Variants in WDR59 observed in about 807,000 individuals in gnomAD.
The protein encoded by WDR59 is GATOR2 complex protein WDR59.
A neutral mutation model predicts 131.2 loss-of-function variants in WDR59; 100 were observed. The observed-to-expected ratio is 0.76, with a 90% CI of 0.65 to 0.90. The LOEUF (loss-of-function observed/expected upper bound fraction) is 0.90, where lower values mean the gene tolerates loss of function less well. WDR59 is among the 40% of genes least tolerant of loss of function. The pLI, the probability that WDR59 is intolerant of heterozygous loss-of-function variation, is 0.00. For synonymous variants in WDR59, 601 were observed against 466.2 expected, an observed-to-expected ratio of 1.29 and a Z score of -3.72; for missense variants, 1,203 against 1,262.2, an observed-to-expected ratio of 0.95 and a Z score of 0.71.
rs754329875 is a variant in WDR59, at chr16:74,916,085, G to A, written c.1099+42C>T. 8.0e-5 allele frequency: 129 copies of A among 1,614,024 alleles called. 1 individual carries two copies. The highest frequency in any genetic ancestry group is 1.0e-4 in the Non-Finnish European group (121 of 1,179,988). On this transcript the variant is annotated intron_variant, in intron 12 of 25. Transcript: ENST00000262144. ...GGTATCTGCCACAACTCTGCAATGC[G>A]TAGAGTGGCACCTTACCTGAGACAT...
chr16:74,913,398 T>G (rs7190834), intron 13 of WDR59, among the ~76,000 whole-genome samples: 1 of 152,014 alleles, frequency 6.6e-6, no homozygotes, highest in African/African-American at 2.4e-5. Context: ...TCCCAAATAC[T>G]GGGACTACAG....
intron 8 of WDR59, among the ~76,000 whole-genome samples, chr16:74,928,391 T>A (rs1048447047): frequency 3.3e-5 from 5 of 151,712 alleles, no homozygotes; most frequent in East Asian, 2.0e-4. Flanking sequence ...TAATTTTTTT[T>A]ATTTTTCTAT....
intron 1 of WDR59, among the ~76,000 whole-genome samples, chr16:74,975,158 C>G (rs1242348892): frequency 2.0e-5 from 3 of 151,988 alleles, no homozygotes; most frequent in African/African-American, 4.8e-5. Flanking sequence ...GTCAGGAGTT[C>G]AAGACCAGCC....
intron 25 of WDR59, among the ~76,000 whole-genome samples, chr16:74,879,048 A>T (rs1483687870): frequency 6.6e-6 from 1 of 152,162 alleles, no homozygotes; most frequent in Non-Finnish European, 1.5e-5. Context: ...CCTGAATACC[A>T]ACTTTCCAAA....
rs748388804 is a variant in WDR59, at chr16:74,874,585, GT to G, written c.2690-142del. 2.8e-5 allele frequency: 20 copies of G among 705,756 alleles called. No individual in the cohort carries two copies. The East Asian group carries it at 3.3e-4, about 12-fold the overall frequency. The allele number at this position is 705,756 out of a possible 1,614,324, so 43.7% of individuals were successfully genotyped here. A position where few individuals can be genotyped will look rare whatever the true frequency, so the allele number is the denominator to read the frequency against. On this transcript the variant is annotated intron_variant, in intron 25 of 25. Transcript: ENST00000262144. ...CTTAGACCAGTGGTTTTCATTTTCT[GT>G]TTTTTTTATTTTTATTTTTTCTTTT...
chr16:74,981,660 A>ATATATATATATATATATTTTT (rs1567451007), intron 1 of WDR59, among the ~76,000 whole-genome samples: 1 of 80,864 alleles, frequency 1.2e-5, no homozygotes, highest in African/African-American at 7.4e-5. Flanking sequence ...ATATATATAT[A>ATATATATATATATATATTTTT]TTTTTTTTTT....
At chr16:74,884,680 C>T (rs1964669086) in intron 25 of WDR59, among the ~76,000 whole-genome samples, 1 of 152,136 alleles carries the variant, frequency 6.6e-6, no homozygotes, top group Admixed American at 6.5e-5. Context: ...CTTACAAGCC[C>T]CTGCCTGATA....
intron 25 of WDR59, among the ~76,000 whole-genome samples, chr16:74,877,413 A>G (rs1964267757): frequency 6.6e-6 from 1 of 152,230 alleles, no homozygotes; most frequent in South Asian, 2.1e-4. Flanking sequence ...CACCAAAATT[A>G]TCTCACTTGA....
chr16:74,947,395 A>T (rs1157539582), intron 6 of WDR59, among the ~76,000 whole-genome samples: 1 of 152,180 alleles, frequency 6.6e-6, no homozygotes, highest in Non-Finnish European at 1.5e-5. Flanking sequence ...AACAAAACAA[A>T]AAAAATATGC....
chr16:74,957,067 A>G (rs995228916), intron 2 of WDR59, among the ~76,000 whole-genome samples: 5 of 150,344 alleles, frequency 3.3e-5, no homozygotes, highest in Non-Finnish European at 7.4e-5. Flanking sequence ...TATGTCTTGA[A>G]TATCTTTTTT....
intron 6 of WDR59, among the ~76,000 whole-genome samples, chr16:74,944,799 A>G (rs7204524): frequency 1.2e-3 from 185 of 152,240 alleles, no homozygotes; most frequent in African/African-American, 4.1e-3. Flanking sequence ...AGAAAGATCT[A>G]TAACAGAAAA....
chr16:74,912,310 C>G lies in WDR59; in HGVS notation c.1277G>C (p.Arg426Pro). ...CTVSVHCSNH[R>P]VKMLVKFPAQ... ...AGGGAACTTCACCAGCATCTTGACACGATGGTTGCTGCAGTGCACAGACAC... is the reference window on the plus strand; with the variant it reads ...AGGGAACTTCACCAGCATCTTGACAGGATGGTTGCTGCAGTGCACAGACAC... The change falls in exon 14 of 26, where the codon CGT becomes CCT. Residue 426 changes from arginine to proline, a missense_variant. By Grantham distance (103) the Arg-to-Pro change is moderately radical. Transcript: ENST00000262144. 1 of 1,614,142 alleles carries G rather than the reference C, an allele frequency of 6.2e-7. No homozygotes were observed. Among genetic ancestry groups the G allele is most frequent in the South Asian group, 1.1e-5 (1 of 91,082 alleles).
In WDR59 at chr16:74,948,573, A is replaced by G. The variant is rs2032794855; in HGVS notation, c.408-17T>C. 1 of 1,609,878 alleles carries G rather than the reference A, an allele frequency of 6.2e-7. No individual in the cohort carries two copies. The highest frequency in any genetic ancestry group is 8.5e-7 in the Non-Finnish European group (1 of 1,176,220). ...CTTGTGTCTCTGAAATATAAAAATA[A>G]AAAATCAAATCCCCAATTTATATGC... On this transcript the variant is annotated splice_polypyrimidine_tract_variant and intron_variant, in intron 5 of 25. Transcript: ENST00000262144.
chr16:74,900,435 AAGATCTCTCTAGTTATTTAC>A (rs1344130667), intron 18 of WDR59, among the ~76,000 whole-genome samples: 2 of 152,198 alleles, frequency 1.3e-5, no homozygotes, highest in Non-Finnish European at 2.9e-5. Context: ...TATTAACTTA[AAGATCTCTCTAGTTATTTAC>A]ATGAGAGCTA....
intron 2 of WDR59, among the ~76,000 whole-genome samples, chr16:74,962,206 T>C (rs2033595853): frequency 6.6e-6 from 1 of 152,196 alleles, no homozygotes; most frequent in Non-Finnish European, 1.5e-5. Context: ...GTAGGATAGT[T>C]TGAAGTCGGG....
intron 5 of WDR59, among the ~76,000 whole-genome samples, 171 bp downstream of exon 5, chr16:74,949,547 C>T (rs942737966): frequency 6.6e-6 from 1 of 151,792 alleles, no homozygotes; most frequent in Non-Finnish European, 1.5e-5. Flanking sequence ...CTTCTCTATC[C>T]CCCTACAACT....
chr16:74,939,033 T>A (rs2032021962), intron 7 of WDR59, among the ~76,000 whole-genome samples: 1 of 151,852 alleles, frequency 6.6e-6, no homozygotes, highest in Non-Finnish European at 1.5e-5. Context: ...TTAATAAGCA[T>A]AGAAAATAAA....
At chr16:74,875,565 A>C (rs1349250763) in intron 25 of WDR59, among the ~76,000 whole-genome samples, 1 of 152,176 alleles carries the variant, frequency 6.6e-6, no homozygotes, top group Middle Eastern at 3.4e-3. Flanking sequence ...TCCCAAACCT[A>C]CACCACTAAC....
intron 8 of WDR59, among the ~76,000 whole-genome samples, chr16:74,926,059 A>ATTT (rs35909183): frequency 2.6e-4 from 33 of 129,184 alleles, no homozygotes; most frequent in Admixed American, 1.3e-3. Context: ...AGTCTAATAA[A>ATTT]TTTTTTTTTT....
Sources: allele counts gnomAD v4.1 joint callset (sites outside exome capture counted in the v4.1 genomes callset), GRCh38; gene constraint gnomAD v4.1.1; transcripts MANE v1.5; gene names NCBI Gene and HGNC (gene_info 2026-07-23, HGNC 2026-07-21).